The following PARD6G variants were observed in gnomAD, a reference collection of about 807,000 sequenced individuals.
PARD6G encodes partitioning defective 6 homolog gamma.
Under a neutral mutation model 10.7 loss-of-function variants are expected in PARD6G, and 7 were observed. That is an observed-to-expected ratio of 0.66 (90% CI 0.37 to 1.23). The LOEUF (loss-of-function observed/expected upper bound fraction) is 1.23. Among genes scored for constraint, PARD6G ranks in the 50% most tolerant of loss-of-function variants. The probability of loss-of-function intolerance (pLI) is 0.02; values close to 1 mark genes in which losing one functional copy is unlikely to be tolerated. For synonymous variants in PARD6G, 287 were observed against 269.4 expected, an observed-to-expected ratio of 1.07 and a Z score of -0.64; for missense variants, 548 against 571.8, an observed-to-expected ratio of 0.96 and a Z score of 0.42.
Position 80,159,941 on chromosome 18 carries a change from C to A in PARD6G, c.961G>T (p.Gly321Cys). The change falls in exon 3 of 3, where the codon GGC becomes TGC. Residue 321 changes from glycine to cysteine, a missense_variant. Coordinates refer to ENST00000353265, the MANE Select transcript of PARD6G (RefSeq NM_032510.4). The stretch of plus-strand genomic sequence containing the variant: ...GCGCCATTGACCCGGGAGAGGCTGC[C>A]TGCGGGCGCGCCCGGGGTCTGGGGG... Reference protein sequence around the residue: ...RPPQTPGAPAGSLSRVNGAGL... With the variant: ...RPPQTPGAPACSLSRVNGAGL... 1.3e-6 allele frequency: 2 copies of A among 1,502,570 alleles called. No homozygotes were observed. The highest frequency in any genetic ancestry group is 1.8e-6 in the Non-Finnish European group (2 of 1,134,406). The allele number at this position is 1,502,570 out of a possible 1,614,324, so 93.1% of individuals were successfully genotyped here.
intron 1 of PARD6G, among the ~76,000 whole-genome samples, chr18:80,223,670 T>C (rs1212696490): frequency 2.0e-5 from 3 of 152,236 alleles, no homozygotes; most frequent in Admixed American, 6.5e-5. Context: ...CTTCAAAATG[T>C]TGAGTTACCA....
rs1367284226 is a variant in PARD6G at position 80,188,685 on chromosome 18, C to G, written c.295+14025G>C. 6.6e-6 allele frequency among the ~76,000 whole-genome samples: 1 copy of G among 152,218 alleles called. No individual in the cohort carries two copies. The highest frequency in any genetic ancestry group is 1.9e-4 in the East Asian group (1 of 5,190). On this transcript the variant is annotated intron_variant, in intron 2 of 2. Coordinates refer to ENST00000353265, the MANE Select transcript of PARD6G (RefSeq NM_032510.4). The surrounding 1 kb of genome is among the most constrained non-coding windows in gnomAD (Gnocchi z 5.4). ...AAACATGGGCCCCTAATTTCCCACACAGATGCAGGGCAGAGTTCACACGGC... is the reference window on the plus strand; with the variant it reads ...AAACATGGGCCCCTAATTTCCCACAGAGATGCAGGGCAGAGTTCACACGGC...
intron 1 of PARD6G, among the ~76,000 whole-genome samples, chr18:80,222,596 C>T (rs1306126164): frequency 6.6e-6 from 1 of 152,112 alleles, no homozygotes; most frequent in Non-Finnish European, 1.5e-5. Context: ...ACACATAGTA[C>T]TAACATAGAG....
chr18:80,236,974 T>G (rs1260233201), intron 1 of PARD6G, among the ~76,000 whole-genome samples: 1 of 152,188 alleles, frequency 6.6e-6, no homozygotes, highest in Non-Finnish European at 1.5e-5. Flanking sequence ...ACCAATGACT[T>G]TCTGCACAGA....
chr18:80,160,869 A>C (rs1469982179), intron 2 of PARD6G, among the ~76,000 whole-genome samples: 1 of 152,254 alleles, frequency 6.6e-6, no homozygotes, highest in African/African-American at 2.4e-5. Context: ...AGGCAGCTGC[A>C]GCAGAGAGAA....
At chr18:80,242,044 C>A (rs1426459810) in intron 1 of PARD6G, among the ~76,000 whole-genome samples, 1 of 152,158 alleles carries the variant, frequency 6.6e-6, no homozygotes, top group East Asian at 1.9e-4. Context: ...GGAAAGGGCT[C>A]TACCCCCTGG....
At chr18:80,219,269 C>T (rs145359125) in intron 1 of PARD6G, among the ~76,000 whole-genome samples, 437 of 152,254 alleles carry the variant, frequency 2.9e-3, no homozygotes, top group African/African-American at 9.8e-3. Context: ...AGTGCAGTGA[C>T]GTGATCTCAG....
rs2052701531 is a variant in PARD6G at position 80,161,645 on chromosome 18, C to CG, written c.296-1040dup. 6.6e-6 allele frequency: 1 copy of CG among 152,146 alleles called. No homozygotes were observed. Among genetic ancestry groups the CG allele is most frequent in the South Asian group, 2.1e-4 (1 of 4,818 alleles). The allele number at this position is 152,146 out of a possible 1,614,324, so 9.4% of individuals were successfully genotyped here. A position where few individuals can be genotyped will look rare whatever the true frequency, so the allele number is the denominator to read the frequency against. On this transcript the variant is annotated intron_variant, in intron 2 of 2. Transcript: ENST00000353265. This position sits in a 1 kb window ranked among gnomAD's most constrained non-coding sequence, Gnocchi z 4.6. ...ACACGACTCTGTAAGACAGGCGTCT[C>CG]GGGGAGCAGAGGGAAGGGCTTGCTC...
At chr18:80,176,611 G>C (rs1392899711) in intron 2 of PARD6G, among the ~76,000 whole-genome samples, 1 of 152,150 alleles carries the variant, frequency 6.6e-6, no homozygotes, top group African/African-American at 2.4e-5. Context: ...TGCTATGGAA[G>C]GGGGTGCAGG....
rs1599861154 is a variant in PARD6G at position 80,198,747 on chromosome 18, A to G, written c.295+3963T>C. ...TATTAAAAAGTCAAAGTATTCACAT[A>G]TGGAGAATGGCTGAATTTTGGAAAT... On this transcript the variant is annotated intron_variant, in intron 2 of 2. Coordinates refer to ENST00000353265, the MANE Select transcript of PARD6G (RefSeq NM_032510.4). Among the ~76,000 whole-genome samples the G allele has an allele frequency of 2.0e-5, 3 of 152,368 alleles. No homozygotes were observed. The East Asian group carries it at 5.8e-4, about 29-fold the overall frequency.
At chr18:80,198,383 T>A (rs1966977364) in intron 2 of PARD6G, among the ~76,000 whole-genome samples, 1 of 152,250 alleles carries the variant, frequency 6.6e-6, no homozygotes, top group Non-Finnish European at 1.5e-5. Context: ...AAAACAAATG[T>A]GTGACAGATT....
At chr18:80,210,089 T>C (rs2139393) in intron 1 of PARD6G, among the ~76,000 whole-genome samples, 28,966 of 152,070 alleles carry the variant, frequency 0.19, 3,368 homozygotes, top group African/African-American at 0.33. Context: ...AAAAGTAATG[T>C]TCCATACAGC....
At chr18:80,220,569 T>C (rs756992752) in intron 1 of PARD6G, among the ~76,000 whole-genome samples, 1 of 152,114 alleles carries the variant, frequency 6.6e-6, no homozygotes, top group Non-Finnish European at 1.5e-5. Context: ...TAAAGGAAAC[T>C]GGGTATGGTG....
chr18:80,185,713 T>G (rs1401208794), intron 2 of PARD6G, among the ~76,000 whole-genome samples: 6 of 121,650 alleles, frequency 4.9e-5, no homozygotes, highest in South Asian at 2.8e-4. Flanking sequence ...CACCCACACA[T>G]GCACCCTCAC....
Position 80,176,915 on chromosome 18 carries a change from A to G in PARD6G, c.296-16309T>C, listed in dbSNP as rs552115815. ...AGCACGCACACACACATACACACAC[A>G]GGATAAATCACAGTCCAGATGGGAA... On this transcript the variant is annotated intron_variant, in intron 2 of 2. Transcript: ENST00000353265. Among the ~76,000 whole-genome samples, 29 of 151,554 alleles carry G rather than the reference A, an allele frequency of 1.9e-4. 1 individual carries two copies. The South Asian group carries it at 5.4e-3, about 28-fold the overall frequency.
chr18:80,160,843 A>T (rs1457780622), intron 2 of PARD6G, among the ~76,000 whole-genome samples: 1 of 152,188 alleles, frequency 6.6e-6, no homozygotes, highest in Non-Finnish European at 1.5e-5. Flanking sequence ...GAACTCAGAG[A>T]TTAAAAGGTG....
At chr18:80,193,980 G>A (rs1237467509) in intron 2 of PARD6G, among the ~76,000 whole-genome samples, 1 of 152,222 alleles carries the variant, frequency 6.6e-6, no homozygotes, top group Non-Finnish European at 1.5e-5. Context: ...TCCAACAGGA[G>A]GGGATGGAAA....
In PARD6G at chr18:80,159,594, T is replaced by C. The variant is rs2052680635; in HGVS notation, c.*177A>G. On this transcript the variant is annotated 3_prime_UTR_variant, in exon 3 of 3. Coordinates refer to ENST00000353265, the MANE Select transcript of PARD6G (RefSeq NM_032510.4). Reference sequence around the variant, plus strand: ...CTACAGGCGTTCATTTTAAGTTCTGTGGCGAAATTCTATAAAAATAGGCAA... The same window carrying C: ...CTACAGGCGTTCATTTTAAGTTCTGCGGCGAAATTCTATAAAAATAGGCAA... 2 of 1,077,706 alleles carry C rather than the reference T, an allele frequency of 1.9e-6. No individual in the cohort carries two copies. The highest frequency in any genetic ancestry group is 2.4e-6 in the Non-Finnish European group (2 of 832,360). 66.8% of individuals were successfully genotyped at this position (1,077,706 alleles called of 1,614,324 possible).
In PARD6G at chr18:80,161,274, T is replaced by G. The variant is rs1038857315; in HGVS notation, c.296-668A>C. On this transcript the variant is annotated intron_variant, in intron 2 of 2. Transcript: ENST00000353265. This position sits in a 1 kb window ranked among gnomAD's most constrained non-coding sequence, Gnocchi z 4.6. Reference sequence around the variant, plus strand: ...ACAGTCAGTGCTATTTGTAGGCACATGGAGCCTCAAGGCTCACCAATATGC... The same window carrying G: ...ACAGTCAGTGCTATTTGTAGGCACAGGGAGCCTCAAGGCTCACCAATATGC... Among the ~76,000 whole-genome samples, 1 of 152,106 alleles carries G rather than the reference T, an allele frequency of 6.6e-6. No homozygotes were observed. The highest frequency in any genetic ancestry group is 1.5e-5 in the Non-Finnish European group (1 of 68,010).
Sources: allele counts gnomAD v4.1 joint callset (sites outside exome capture counted in the v4.1 genomes callset), GRCh38; gene constraint gnomAD v4.1.1; non-coding constraint Gnocchi (gnomAD v3.1); transcripts MANE v1.5; gene names NCBI Gene and HGNC (gene_info 2026-07-23, HGNC 2026-07-21).